NUMB: variants seen among roughly 807,000 people sequenced by gnomAD.
NUMB encodes protein numb homolog.
A neutral mutation model predicts 59.7 loss-of-function variants in NUMB; 29 were observed. The ratio of observed to expected loss-of-function variants is 0.49; its 90% CI spans 0.36 to 0.66. The LOEUF is 0.66. NUMB is among the 30% of genes least tolerant of loss of function. NUMB has a pLI of 0.00. For missense variants in NUMB, 723 were observed against 822.0 expected (o/e 0.88, Z 1.47); for synonymous variants, 288 against 288.2 (o/e 1.00, Z 0.01).
chr14:73,324,911 A>G (rs1035614485), intron 4 of NUMB, among the ~76,000 whole-genome samples: 10 of 152,190 alleles, frequency 6.6e-5, no homozygotes, highest in Non-Finnish European at 1.3e-4. Flanking sequence ...TATCAGGCCA[A>G]TAGAGACATT....
In NUMB at chr14:73,287,175, A is replaced by T. The variant is rs2139817202; in HGVS notation, c.590T>A (p.Val197Asp). ...TTCTGCTTGTTCAGTGGCTGTTGTGACACGGAATGATCCTTCTCTTGTAAA... is the reference window on the plus strand; with the variant it reads ...TTCTGCTTGTTCAGTGGCTGTTGTGTCACGGAATGATCCTTCTCTTGTAAA... ...TTFTREGSFR[V>D]TTATEQAERE... is the part of the protein sequence containing the mutation. The change falls in exon 9 of 13, where the codon GTC becomes GAC. Residue 197 changes from valine to aspartate, a missense_variant. This residue lies in a region of NUMB where 317 missense variants were observed against 436.6 expected (regional missense o/e 0.73). Coordinates refer to ENST00000555238, the MANE Select transcript of NUMB (RefSeq NM_001005743.2). The T allele has an allele frequency of 6.2e-7, 1 of 1,613,850 alleles. No individual in the cohort carries two copies. Among genetic ancestry groups the T allele is most frequent in the African/African-American group, 1.3e-5 (1 of 74,926 alleles).
chr14:73,364,520 T>TAAA (rs1894245827), intron 3 of NUMB, among the ~76,000 whole-genome samples: 2 of 151,772 alleles, frequency 1.3e-5, no homozygotes, highest in African/African-American at 4.8e-5. Flanking sequence ...ATAAAAATTT[T>TAAA]AAAAAAATAA....
At chr14:73,346,660 A>C (rs569619576) in intron 4 of NUMB, among the ~76,000 whole-genome samples, 1 of 152,132 alleles carries the variant, frequency 6.6e-6, no homozygotes, top group Non-Finnish European at 1.5e-5. Flanking sequence ...GTAATGGCTC[A>C]TGTTTCTATA....
chr14:73,453,360 G>C (rs1884119503), intron 1 of NUMB, among the ~76,000 whole-genome samples: 1 of 152,076 alleles, frequency 6.6e-6, no homozygotes, highest in South Asian at 2.1e-4. Context: ...TCAAACTCCT[G>C]ACCTCAGGTG....
At chr14:73,368,775 C>T (rs187546587) in intron 2 of NUMB, among the ~76,000 whole-genome samples, 213 of 152,152 alleles carry the variant, frequency 1.4e-3, no homozygotes, top group African/African-American at 4.8e-3. Flanking sequence ...TGACAAAATA[C>T]AGCAAATGGT....
chr14:73,398,402 G>C (rs1212465097), intron 2 of NUMB, among the ~76,000 whole-genome samples: 2 of 111,786 alleles, frequency 1.8e-5, no homozygotes, highest in East Asian at 4.6e-4. Flanking sequence ...CAGAGAGAGA[G>C]AGAGAGAGAG....
chr14:73,354,597 G>C, intron 4 of NUMB, among the ~76,000 whole-genome samples: 1 of 150,414 alleles, frequency 6.6e-6, no homozygotes, highest in South Asian at 2.1e-4. Context: ...GGGCTGAGGC[G>C]GGAGGATCGC....
intron 2 of NUMB, among the ~76,000 whole-genome samples, chr14:73,407,969 T>G (rs1375879775): frequency 2.0e-5 from 3 of 152,228 alleles, no homozygotes; most frequent in Non-Finnish European, 4.4e-5. Flanking sequence ...GGCTCATGCC[T>G]GTAATCCCAG....
At chr14:73,421,106 C>G (rs932462746) in intron 1 of NUMB, among the ~76,000 whole-genome samples, 1 of 152,070 alleles carries the variant, frequency 6.6e-6, no homozygotes, top group Non-Finnish European at 1.5e-5. Context: ...CCTATCTGTT[C>G]TCAGTTTCTG....
chr14:73,373,076 G>T (rs551062345), intron 2 of NUMB, among the ~76,000 whole-genome samples: 1 of 152,054 alleles, frequency 6.6e-6, no homozygotes, highest in Non-Finnish European at 1.5e-5. Context: ...TCTCACTGAC[G>T]TTGGAATAGA....
intron 6 of NUMB, among the ~76,000 whole-genome samples, chr14:73,299,543 C>A (rs1889981788): frequency 7.9e-6 from 1 of 126,626 alleles, no homozygotes; most frequent in Non-Finnish European, 1.7e-5. Context: ...ATATATATGT[C>A]ATATATGTAT....
intron 2 of NUMB, among the ~76,000 whole-genome samples, chr14:73,370,415 G>C (rs1894604520): frequency 6.6e-6 from 1 of 152,220 alleles, no homozygotes; most frequent in South Asian, 2.1e-4. Flanking sequence ...CTTCTCGCCA[G>C]GCGTGGTGGC....
intron 1 of NUMB, among the ~76,000 whole-genome samples, chr14:73,410,493 A>G (rs1896851176): frequency 6.6e-6 from 1 of 152,166 alleles, no homozygotes; most frequent in Non-Finnish European, 1.5e-5. Context: ...TATCATCTCT[A>G]AAAGGGGAAG....
intron 1 of NUMB, among the ~76,000 whole-genome samples, chr14:73,438,595 C>T (rs1340488403): frequency 7.1e-6 from 1 of 141,632 alleles, no homozygotes; most frequent in Non-Finnish European, 1.5e-5. Context: ...TGCGACACTG[C>T]ACTCCAGCCT....
chr14:73,317,392 C>T (rs1891143168), intron 5 of NUMB, among the ~76,000 whole-genome samples: 1 of 152,172 alleles, frequency 6.6e-6, no homozygotes, highest in South Asian at 2.1e-4. Context: ...ACCTCTGCCT[C>T]CTGGGTTCAA....
intron 1 of NUMB, among the ~76,000 whole-genome samples, chr14:73,436,037 C>T (rs1898040865): frequency 6.6e-6 from 1 of 151,010 alleles, no homozygotes; most frequent in Non-Finnish European, 1.5e-5. Flanking sequence ...ACACAAATAT[C>T]AATAGAAGAA....
At chr14:73,330,918 G>A (rs747387060) in intron 4 of NUMB, among the ~76,000 whole-genome samples, 8 of 152,166 alleles carry the variant, frequency 5.3e-5, no homozygotes, top group Non-Finnish European at 1.0e-4. Context: ...TTCAGTTCAA[G>A]TCCAAAAGCC....
intron 3 of NUMB, among the ~76,000 whole-genome samples, chr14:73,360,254 G>A (rs1894034750): frequency 6.6e-6 from 1 of 152,168 alleles, no homozygotes; most frequent in South Asian, 2.1e-4. Context: ...GTACATGTTA[G>A]CATATAAAGG....
intron 4 of NUMB, among the ~76,000 whole-genome samples, chr14:73,333,687 A>G (rs1177648497): frequency 3.3e-5 from 5 of 151,552 alleles, no homozygotes; most frequent in Non-Finnish European, 7.4e-5. Context: ...GCTTCTTTTC[A>G]CTTTCTTGAT....
Sources: allele counts gnomAD v4.1 joint callset (sites outside exome capture counted in the v4.1 genomes callset), GRCh38; gene constraint gnomAD v4.1.1; regional missense constraint gnomAD v4.1.1; transcripts MANE v1.5; gene names NCBI Gene and HGNC (gene_info 2026-07-23, HGNC 2026-07-21).